TAFA2: variants seen among roughly 807,000 people sequenced by gnomAD.
TAFA2 encodes the protein TAFA chemokine like family member 2.
Under a neutral mutation model 18.8 loss-of-function variants are expected in TAFA2, and 7 were observed. That is an observed-to-expected ratio of 0.37 (90% CI 0.21 to 0.70). TAFA2 has a LOEUF of 0.70. Among genes scored for constraint, TAFA2 ranks in the 30% least tolerant of loss-of-function variants. The probability of loss-of-function intolerance (pLI) is 0.53; values close to 1 mark genes in which losing one functional copy is unlikely to be tolerated. For synonymous variants in TAFA2, 60 were observed against 54.2 expected, an observed-to-expected ratio of 1.11 and a Z score of -0.47; for missense variants, 122 against 158.1, an observed-to-expected ratio of 0.77 and a Z score of 1.23.
At chr12:62,106,961 T>C (rs1042678381) in intron 1 of TAFA2, among the ~76,000 whole-genome samples, 1 of 152,218 alleles carries the variant, frequency 6.6e-6, no homozygotes, top group Admixed American at 6.5e-5. Flanking sequence ...TCTCTGCTGT[T>C]CCCCCTGTTG....
intron 2 of TAFA2, among the ~76,000 whole-genome samples, chr12:61,765,289 C>G (rs1242296052): frequency 4.6e-5 from 7 of 152,046 alleles, no homozygotes; most frequent in African/African-American, 1.7e-4. Context: ...TACCATAAAC[C>G]TGAGTCTCTG....
At chr12:62,159,154 G>A (rs1425957924) in intron 1 of TAFA2, among the ~76,000 whole-genome samples, 1 of 152,184 alleles carries the variant, frequency 6.6e-6, no homozygotes, top group African/African-American at 2.4e-5. Context: ...TGCGTTAGAT[G>A]TGGCTAAAAG....
At chr12:61,965,813 G>A (rs112506615) in intron 1 of TAFA2, among the ~76,000 whole-genome samples, 30 of 152,016 alleles carry the variant, frequency 2.0e-4, no homozygotes, top group African/African-American at 6.3e-4. Context: ...CTAAGAAGCT[G>A]AGAATGGCAT....
intron 1 of TAFA2, among the ~76,000 whole-genome samples, chr12:62,116,814 C>T (rs1002343204): frequency 6.6e-6 from 1 of 152,084 alleles, no homozygotes; most frequent in African/African-American, 2.4e-5. Context: ...TATGCTGAAG[C>T]CCCAGCCCCT....
chr12:62,216,551 C>G (rs550300433), intron 1 of TAFA2, among the ~76,000 whole-genome samples: 4 of 152,308 alleles, frequency 2.6e-5, no homozygotes, highest in African/African-American at 7.2e-5. Flanking sequence ...TAAAGTAAGG[C>G]AAACTCGATC....
chr12:62,235,065 A>T, intron 1 of TAFA2: 1 of 625,656 alleles, frequency 1.6e-6, no homozygotes, highest in Admixed American at 1.9e-5. Context: ...GGAAGCTGAG[A>T]CTGGCAGCCT....
intron 1 of TAFA2, among the ~76,000 whole-genome samples, chr12:61,903,594 A>G (rs574414085): frequency 6.6e-6 from 1 of 152,294 alleles, no homozygotes; most frequent in Admixed American, 6.5e-5. Flanking sequence ...TAGATAAATA[A>G]ATTTTTAAAG....
intron 2 of TAFA2, among the ~76,000 whole-genome samples, chr12:61,767,188 G>T: frequency 6.6e-6 from 1 of 152,108 alleles, no homozygotes; most frequent in Non-Finnish European, 1.5e-5. Flanking sequence ...TGTGGCATTG[G>T]ACTCTGACCT....
At chr12:61,760,365 A>ATATATATATATATATATATATATAT (rs1869483548) in intron 2 of TAFA2, among the ~76,000 whole-genome samples, 9 of 122,220 alleles carry the variant, frequency 7.4e-5, no homozygotes, top group African/African-American at 1.5e-4. Context: ...AAAATATCAA[A>ATATATATATATATATATATATATAT]ATATATATAT....
At chr12:62,116,877 C>T (rs1239425445) in intron 1 of TAFA2, among the ~76,000 whole-genome samples, 2 of 152,098 alleles carry the variant, frequency 1.3e-5, no homozygotes, top group Non-Finnish European at 1.5e-5. Flanking sequence ...TCTATTTGGC[C>T]ACTTTTATCT....
chr12:62,021,579 G>T (rs2136730163), intron 1 of TAFA2: 1 of 848,914 alleles, frequency 1.2e-6, no homozygotes, highest in Non-Finnish European at 2.1e-6. Context: ...ACGCTGTGGG[G>T]ACTGGCTGGG....
At chr12:61,713,076 A>G (rs189962769) in intron 4 of TAFA2, among the ~76,000 whole-genome samples, 56 of 152,340 alleles carry the variant, frequency 3.7e-4, no homozygotes, top group African/African-American at 1.0e-3. Flanking sequence ...AATTTAGCCT[A>G]AAGCTTCCTC....
At chr12:61,882,297 G>C (rs546135821) in intron 1 of TAFA2, among the ~76,000 whole-genome samples, 46 of 152,314 alleles carry the variant, frequency 3.0e-4, no homozygotes, top group Non-Finnish European at 5.4e-4. Flanking sequence ...TCTTGAGCTA[G>C]AAGTAGCAAT....
At chr12:61,942,289 G>A (rs1416453543) in intron 1 of TAFA2, among the ~76,000 whole-genome samples, 292 of 143,340 alleles carry the variant, frequency 2.0e-3, no homozygotes, top group Admixed American at 4.1e-3. Context: ...CATCCACACC[G>A]AAAACCCATC....
chr12:61,930,324 A>G (rs2121391740), intron 1 of TAFA2, among the ~76,000 whole-genome samples: 2 of 152,286 alleles, frequency 1.3e-5, no homozygotes, highest in South Asian at 4.1e-4. Flanking sequence ...TAAGAGCTAA[A>G]CTAAGTTGAG....
At chr12:62,239,637 T>C (rs2062853017) in intron 1 of TAFA2, among the ~76,000 whole-genome samples, 4 of 152,186 alleles carry the variant, frequency 2.6e-5, no homozygotes, top group Admixed American at 2.6e-4. Context: ...CTAGCCACCA[T>C]GTTGTGAAAA....
intron 1 of TAFA2, among the ~76,000 whole-genome samples, chr12:61,908,768 T>C (rs1383331875): frequency 6.6e-6 from 1 of 152,180 alleles, no homozygotes; most frequent in Admixed American, 6.5e-5. Flanking sequence ...CAAACCTCTT[T>C]ATGGAGCAAC....
intron 1 of TAFA2, among the ~76,000 whole-genome samples, chr12:62,105,269 G>A (rs1489117686): frequency 6.6e-6 from 1 of 152,168 alleles, no homozygotes; most frequent in Admixed American, 6.5e-5. Context: ...AAATTAATAT[G>A]TCATGCCAAA....
At chr12:62,206,419 G>T (rs1165344949) in intron 1 of TAFA2, among the ~76,000 whole-genome samples, 1 of 152,080 alleles carries the variant, frequency 6.6e-6, no homozygotes, top group Admixed American at 6.5e-5. Context: ...AATTTTCCAA[G>T]ATTTATTATT....
Sources: allele counts gnomAD v4.1 joint callset (sites outside exome capture counted in the v4.1 genomes callset), GRCh38; gene constraint gnomAD v4.1.1; transcripts MANE v1.5; gene names NCBI Gene and HGNC (gene_info 2026-07-23, HGNC 2026-07-21).